PRDM11: variants seen among roughly 807,000 people sequenced by gnomAD.
The protein encoded by PRDM11 is PR domain-containing protein 11.
PRDM11 carries 20 observed loss-of-function variants against 97.8 expected under a neutral mutation model. That is an observed-to-expected ratio of 0.20 (90% CI 0.14 to 0.30). The LOEUF is 0.30. PRDM11 is among the 10% of genes least tolerant of loss of function. The pLI, the probability that PRDM11 is intolerant of heterozygous loss-of-function variation, is 1.00. For synonymous variants in PRDM11, 599 were observed against 637.7 expected (o/e 0.94, Z 0.91); for missense variants, 1,139 against 1,555.2 (o/e 0.73, Z 4.50).
intron 1 of PRDM11, among the ~76,000 whole-genome samples, 174 bp downstream of exon 1, chr11:45,147,051 C>T (rs932488962): frequency 1.5e-4 from 19 of 126,166 alleles, no homozygotes; most frequent in Non-Finnish European, 3.0e-4. Flanking sequence ...GGCGCCGGCG[C>T]GGGGTGGGGG....
chr11:45,214,097 G>A (rs1203604789), intron 5 of PRDM11: 5 of 216,196 alleles, frequency 2.3e-5, no homozygotes, highest in Admixed American at 1.0e-4. Context: ...CTCTTCCCTG[G>A]CTTCTAAAAG....
At position 45,230,600 on chromosome 11, in the gene PRDM11, C is replaced by G. The variant is rs1296385245; in HGVS notation, c.*2441C>G. 6.6e-6 allele frequency: 1 copy of G among 152,242 alleles called. No homozygotes were observed. Among genetic ancestry groups the G allele is most frequent in the Non-Finnish European group, 1.5e-5 (1 of 68,054 alleles). The allele number at this position is 152,242 out of a possible 1,614,324, so 9.4% of individuals were successfully genotyped here. A position where few individuals can be genotyped will look rare whatever the true frequency, so the allele number is the denominator to read the frequency against. ...AACTGCTGTGTCTGGGGAGTTTTCA[C>G]TGAACATTGCAGAGACTAAGAAGGG... On this transcript the variant is annotated 3_prime_UTR_variant, in exon 8 of 8. Coordinates refer to ENST00000683152, the MANE Select transcript of PRDM11 (RefSeq NM_001384648.1).
chr11:45,210,567 G>C (rs1462180658), intron 5 of PRDM11, among the ~76,000 whole-genome samples: 1 of 152,226 alleles, frequency 6.6e-6, no homozygotes, highest in African/African-American at 2.4e-5. Flanking sequence ...AAGCAGCCGT[G>C]GCTCAGCCCA....
At chr11:45,199,430 C>T (rs983092481) in intron 4 of PRDM11, among the ~76,000 whole-genome samples, 3 of 152,198 alleles carry the variant, frequency 2.0e-5, no homozygotes, top group Admixed American at 6.5e-5. Context: ...CCTGTCCCCA[C>T]GACATGGTCG....
At chr11:45,186,423 G>C (rs1852708015) in intron 4 of PRDM11, among the ~76,000 whole-genome samples, 1 of 152,210 alleles carries the variant, frequency 6.6e-6, no homozygotes, top group Non-Finnish European at 1.5e-5. Context: ...GGAAAACTAA[G>C]TATATAAATT....
chr11:45,101,385 G>A (rs1397350502), intron 1 of PRDM11, among the ~76,000 whole-genome samples: 2 of 152,022 alleles, frequency 1.3e-5, no homozygotes, highest in Admixed American at 1.3e-4. Flanking sequence ...GTGAAACCCT[G>A]TCTCTACTTA....
chr11:45,225,318 A>G (rs714215), intron 7 of PRDM11, among the ~76,000 whole-genome samples: 85,588 of 151,954 alleles, frequency 0.56, 25,925 homozygotes, highest in Non-Finnish European at 0.69. Flanking sequence ...CTGGAGTTCT[A>G]GAAGGATGGA....
At chr11:45,099,449 T>C (rs1851935670) in intron 1 of PRDM11, among the ~76,000 whole-genome samples, 1 of 74,174 alleles carries the variant, frequency 1.3e-5, no homozygotes, top group African/African-American at 7.0e-5. Context: ...AGACTCCATC[T>C]TAAAAAAAAA....
rs1244259083 is a variant in PRDM11 at position 45,232,188 on chromosome 11, A to G, written c.*4029A>G. 6.6e-6 allele frequency: 1 copy of G among 152,142 alleles called. No homozygotes were observed. The highest frequency in any genetic ancestry group is 1.5e-5 in the Non-Finnish European group (1 of 68,036). The allele number at this position is 152,142 out of a possible 1,614,324, so 9.4% of individuals were successfully genotyped here. On this transcript the variant is annotated 3_prime_UTR_variant, in exon 8 of 8. Transcript: ENST00000683152. ...TGCCAACAGGGGGGAAAGCATGCAG[A>G]AGGCTGGAAACAATAGCTGAGACCC...
In PRDM11 at chr11:45,182,955, A is replaced by G; in HGVS notation, c.318A>G (p.Pro106=). The change falls in exon 4 of 8, where the codon CCA becomes CCG. Residue 106 remains proline (P), a synonymous_variant. Transcript: ENST00000683152. Reference sequence around the variant, plus strand: ...ACACACCGGTGCCCGTGGGCATCCCAGACCGGGCGGCGCTCACCATCCCAC... The same window carrying G: ...ACACACCGGTGCCCGTGGGCATCCCGGACCGGGCGGCGCTCACCATCCCAC... ...VSDTPVPVGI[P]DRAALTIPQG... The G allele has an allele frequency of 6.2e-7, 1 of 1,613,910 alleles. No homozygotes were observed. The highest frequency in any genetic ancestry group is 8.5e-7 in the Non-Finnish European group (1 of 1,179,960).
intron 1 of PRDM11, among the ~76,000 whole-genome samples, chr11:45,118,632 T>C (rs770889148): frequency 3.3e-5 from 5 of 152,232 alleles, no homozygotes; most frequent in Non-Finnish European, 7.3e-5. Flanking sequence ...TTGACAGAAT[T>C]TAACACTCAT....
chr11:45,129,918 G>C (rs1052678890), intron 1 of PRDM11, among the ~76,000 whole-genome samples: 1 of 152,142 alleles, frequency 6.6e-6, no homozygotes, highest in East Asian at 1.9e-4. Context: ...TGTGGGTTTG[G>C]TGCAAAGACA....
At position 45,181,799 on chromosome 11, in the gene PRDM11, G is replaced by C. The variant is rs752696814; in HGVS notation, c.33G>C (p.Gln11His). The change falls in exon 2 of 8, where the codon CAG becomes CAC. Residue 11 changes from glutamine to histidine, a missense_variant. Around this residue, in one of 2 missense-constraint regions of PRDM11, gnomAD observed 429 missense variants for 510.3 expected, o/e 0.84. Transcript: ENST00000683152. ...AGAACATGAAGGAGTGCTTGGCCCA[G>C]ACCAATGCAGCCGTGGGGGATATGG... MTENMKECLA[Q>H]TNAAVGDMVT... 1.2e-6 allele frequency: 2 copies of C among 1,613,584 alleles called. No homozygotes were observed. Among genetic ancestry groups the C allele is most frequent in the African/African-American group, 1.3e-5 (1 of 75,032 alleles).
At chr11:45,184,433 C>A (rs182236844) in intron 4 of PRDM11, among the ~76,000 whole-genome samples, 11 of 152,272 alleles carry the variant, frequency 7.2e-5, no homozygotes, top group African/African-American at 2.4e-4. Flanking sequence ...CCCCTTTCCC[C>A]AGGTAGAGCG....
intron 1 of PRDM11, among the ~76,000 whole-genome samples, chr11:45,104,494 G>A (rs1196796518): frequency 6.6e-6 from 1 of 152,164 alleles, no homozygotes; most frequent in Non-Finnish European, 1.5e-5. Context: ...ATGGAGTGAA[G>A]ACTCTGGTCC....
At chr11:45,185,618 C>T (rs958565011) in intron 4 of PRDM11, among the ~76,000 whole-genome samples, 2 of 152,126 alleles carry the variant, frequency 1.3e-5, no homozygotes, top group African/African-American at 4.8e-5. Flanking sequence ...TAACCTTTTA[C>T]ATCACCTCAG....
upstream of PRDM11, among the ~76,000 whole-genome samples, chr11:45,094,890 G>A (rs1054133151): frequency 9.3e-5 from 13 of 140,484 alleles, no homozygotes; most frequent in Non-Finnish European, 1.7e-4. Context: ...GAGGAGGGAA[G>A]GAAGGAAGGG....
At chr11:45,102,905 C>T (rs1250127926) in intron 1 of PRDM11, among the ~76,000 whole-genome samples, 6 of 152,136 alleles carry the variant, frequency 3.9e-5, no homozygotes, top group South Asian at 2.1e-4. Flanking sequence ...ACTGGTCGAC[C>T]GAGGAAGGGA....
At chr11:45,149,878 G>A (rs1019458305) in intron 1 of PRDM11, among the ~76,000 whole-genome samples, 2 of 152,246 alleles carry the variant, frequency 1.3e-5, no homozygotes, top group South Asian at 2.1e-4. Flanking sequence ...TGTGCTGACC[G>A]ATGCAGGGAC....
Sources: gnomAD v4.1 joint callset for allele counts (sites outside exome capture counted in the v4.1 genomes callset) on GRCh38, gnomAD v4.1.1 for gene constraint, gnomAD v4.1.1 regional missense constraint, MANE v1.5 for transcripts, NCBI Gene and HGNC (gene_info 2026-07-23, HGNC 2026-07-21) for gene names.